Variants in PRICKLE2 observed in about 807,000 individuals in gnomAD.
The protein encoded by PRICKLE2 is prickle-like protein 2.
PRICKLE2 carries 21 observed loss-of-function variants against 81.4 expected under a neutral mutation model. The ratio of observed to expected loss-of-function variants is 0.26; its 90% CI spans 0.18 to 0.37. The LOEUF is 0.37. Among genes scored for constraint, PRICKLE2 ranks in the 10% least tolerant of loss-of-function variants. The pLI is 1.00. For missense variants in PRICKLE2, 940 were observed against 1,109.0 expected (o/e 0.85, Z 2.16); for synonymous variants, 456 against 421.5 (o/e 1.08, Z -1.00).
chr3:64,182,323 C>T (rs1383258071), intron 2 of PRICKLE2, among the ~76,000 whole-genome samples: 2 of 151,850 alleles, frequency 1.3e-5, no homozygotes, highest in East Asian at 1.9e-4. Flanking sequence ...CCTGTCTCTA[C>T]AAAAAATACA....
chr3:64,217,402 A>C (rs1172967990), intron 1 of PRICKLE2, among the ~76,000 whole-genome samples: 1 of 152,220 alleles, frequency 6.6e-6, no homozygotes, highest in Non-Finnish European at 1.5e-5. Flanking sequence ...ATAGTGATGA[A>C]GTCTGGGCTT....
chr3:64,205,231 T>C (rs996693732), intron 1 of PRICKLE2, among the ~76,000 whole-genome samples: 1 of 152,046 alleles, frequency 6.6e-6, no homozygotes, highest in African/African-American at 2.4e-5. Flanking sequence ...GAGAGGAGAT[T>C]CTGCATTCTC....
At chr3:64,188,909 A>G (rs564602621) in intron 2 of PRICKLE2, among the ~76,000 whole-genome samples, 1 of 152,272 alleles carries the variant, frequency 6.6e-6, no homozygotes, top group African/African-American at 2.4e-5. Context: ...TCCAGATCAT[A>G]TCACCCTTTC....
chr3:64,182,245 T>G (rs2078148237), intron 2 of PRICKLE2, among the ~76,000 whole-genome samples: 1 of 152,114 alleles, frequency 6.6e-6, no homozygotes, highest in Admixed American at 6.6e-5. Context: ...CTCAGCACTC[T>G]GGGAGGACAA....
chr3:64,167,236 G>A (rs1202791038), intron 2 of PRICKLE2, among the ~76,000 whole-genome samples: 1 of 152,118 alleles, frequency 6.6e-6, no homozygotes, highest in African/African-American at 2.4e-5. Flanking sequence ...TTTTGTCAAT[G>A]ATGATCATTA....
Position 64,099,081 on chromosome 3 carries a change from T to C in PRICKLE2, c.2505A>G (p.Arg835=). ...GGRGQLHSRK[R]QKSKNCIIS is the part of the protein sequence containing the mutation. The stretch of plus-strand genomic sequence containing the variant: ...AAATGATACAGTTTTTGCTCTTCTG[T>C]CTTTTCCTGCTGTGCAACTGTCCTC... The change falls in exon 8 of 8, where the codon AGA becomes AGG. Residue 835 remains arginine (R), a synonymous_variant. Transcript: ENST00000638394. The surrounding 1 kb of genome is among the most constrained non-coding windows in gnomAD (Gnocchi z 4.3). 1 of 1,614,258 alleles carries C rather than the reference T, an allele frequency of 6.2e-7. No individual in the cohort carries two copies. The highest frequency in any genetic ancestry group is 1.1e-5 in the South Asian group (1 of 91,084).
chr3:64,185,140 C>A (rs1575634088), intron 2 of PRICKLE2, among the ~76,000 whole-genome samples: 1 of 152,150 alleles, frequency 6.6e-6, no homozygotes, highest in Non-Finnish European at 1.5e-5. Context: ...CAATTTTGAT[C>A]ATCAACCCTG....
chr3:64,235,100 T>C (rs778303138), intron 2 of PRICKLE2, among the ~76,000 whole-genome samples: 6 of 152,204 alleles, frequency 3.9e-5, no homozygotes, highest in Non-Finnish European at 7.3e-5. Context: ...ACAATCTTTA[T>C]TGACCTACCT....
At chr3:64,229,996 T>C (rs1393139825), upstream of PRICKLE2, among the ~76,000 whole-genome samples, 4 of 152,196 alleles carry the variant, frequency 2.6e-5, no homozygotes, top group South Asian at 2.1e-4. Flanking sequence ...CCATTCTAAG[T>C]AGCGACTCAG....
At chr3:64,234,741 A>G (rs1413131366) in intron 2 of PRICKLE2, among the ~76,000 whole-genome samples, 1 of 152,166 alleles carries the variant, frequency 6.6e-6, no homozygotes, top group African/African-American at 2.4e-5. Context: ...GGTCTCTGCC[A>G]GAACTACAAA....
chr3:64,101,111 A>C (rs1430387970), intron 7 of PRICKLE2: 2 of 152,238 alleles, frequency 1.3e-5, no homozygotes, highest in East Asian at 1.9e-4. Flanking sequence ...AGCCGCTCTG[A>C]ATATCCTTGG....
intron 7 of PRICKLE2, among the ~76,000 whole-genome samples, chr3:64,128,119 T>G (rs152295): frequency 0.68 from 103,790 of 151,808 alleles, 35,810 homozygotes; most frequent in East Asian, 0.95. Context: ...GGAGGTAGCG[T>G]TGGGGGCGTT....
chr3:64,141,772 T>A, intron 7 of PRICKLE2: 1 of 983,420 alleles, frequency 1.0e-6, no homozygotes, highest in African/African-American at 1.7e-5. Context: ...TGAGGAAAAA[T>A]GCTGCCCACA....
At chr3:64,232,773 C>A (rs1034318015) in intron 2 of PRICKLE2, among the ~76,000 whole-genome samples, 6 of 152,262 alleles carry the variant, frequency 3.9e-5, no homozygotes, top group Admixed American at 3.9e-4. Flanking sequence ...GTTGAGTCCA[C>A]ACCATATCCC....
chr3:64,204,938 A>T (rs1011963361), intron 1 of PRICKLE2, among the ~76,000 whole-genome samples: 1 of 152,150 alleles, frequency 6.6e-6, no homozygotes, highest in South Asian at 2.1e-4. Flanking sequence ...CCCCTTTGGC[A>T]AAATGCACAC....
intron 7 of PRICKLE2, among the ~76,000 whole-genome samples, chr3:64,123,321 G>A (rs117195144): frequency 6.6e-6 from 1 of 152,280 alleles, no homozygotes; most frequent in East Asian, 1.9e-4. Context: ...GGATGAACAA[G>A]GTACAAGTTG....
intron 2 of PRICKLE2, among the ~76,000 whole-genome samples, chr3:64,231,963 A>C (rs2079111686): frequency 1.3e-5 from 2 of 152,226 alleles, no homozygotes; most frequent in East Asian, 1.9e-4. Context: ...AAACAAAAAC[A>C]AAAACCAGGT....
chr3:64,107,640 G>C (rs2106947842), intron 7 of PRICKLE2, among the ~76,000 whole-genome samples: 1 of 152,186 alleles, frequency 6.6e-6, no homozygotes, highest in South Asian at 2.1e-4. Context: ...CCAGGAGTAT[G>C]AGACCAGCCC....
At chr3:64,210,115 GCA>G in intron 1 of PRICKLE2, among the ~76,000 whole-genome samples, 1 of 152,212 alleles carries the variant, frequency 6.6e-6, no homozygotes, top group East Asian at 1.9e-4. Context: ...CAAAGCCCAA[GCA>G]CAGATGTGAA....
Sources: gnomAD v4.1 joint callset for allele counts (sites outside exome capture counted in the v4.1 genomes callset) on GRCh38, gnomAD v4.1.1 for gene constraint, Gnocchi (gnomAD v3.1) non-coding constraint, MANE v1.5 for transcripts, NCBI Gene and HGNC (gene_info 2026-07-23, HGNC 2026-07-21) for gene names.